ZMYM6: variants seen among roughly 807,000 people sequenced by gnomAD.
ZMYM6 encodes the protein zinc finger MYM-type containing 6.
A neutral mutation model predicts 134.0 loss-of-function variants in ZMYM6; 90 were observed. The ratio of observed to expected loss-of-function variants is 0.67; its 90% CI spans 0.57 to 0.80. The LOEUF (loss-of-function observed/expected upper bound fraction) is 0.80, where lower values mean the gene tolerates loss of function less well. Ranked by LOEUF, ZMYM6 falls within the 30% of genes least tolerant of loss-of-function variation. ZMYM6 has a pLI of 0.00. For missense variants in ZMYM6, 1,362 were observed against 1,533.9 expected (o/e 0.89, Z 1.87); for synonymous variants, 481 against 524.1 (o/e 0.92, Z 1.12).
intron 4 of ZMYM6, chr1:35,019,004 G>A: frequency 2.6e-6 from 1 of 381,350 alleles, no homozygotes; most frequent in Non-Finnish European, 4.6e-6. Flanking sequence ...TATTAAAAGA[G>A]TGATATTATT....
chr1:34,994,986 T>C (rs1013664639), intron 14 of ZMYM6, among the ~76,000 whole-genome samples: 6 of 140,460 alleles, frequency 4.3e-5, no homozygotes, highest in Non-Finnish European at 6.1e-5. Context: ...TATATACATA[T>C]CTATATGTAT....
chr1:35,028,476 A>C (rs1490988152), intron 2 of ZMYM6, among the ~76,000 whole-genome samples: 1 of 151,972 alleles, frequency 6.6e-6, no homozygotes, highest in Admixed American at 6.5e-5. Context: ...TTGCCAAAAC[A>C]ACTAACTCAT....
Position 35,014,732 on chromosome 1 carries a change from CCTT to C in ZMYM6, c.757_759del (p.Lys253del), listed in dbSNP as rs750717810. The stretch of plus-strand genomic sequence containing the variant: ...GCCGTGACACTTGTTGAACTAAAAA[CCTT>C]CTGGGATTGGCAAGGACCAGAGCTA... On this transcript the variant is annotated inframe_deletion, in exon 6 of 16. Coordinates refer to ENST00000357182, the MANE Select transcript of ZMYM6 (RefSeq NM_007167.4). 5.6e-6 allele frequency: 9 copies of C among 1,613,922 alleles called. No individual in the cohort carries two copies. The African/African-American group carries it at 1.1e-4, about 19-fold the overall frequency.
At chr1:35,007,893 A>G (rs1641013982) in intron 11 of ZMYM6, among the ~76,000 whole-genome samples, 1 of 152,152 alleles carries the variant, frequency 6.6e-6, no homozygotes, top group South Asian at 2.1e-4. Context: ...AAAAAAAATA[A>G]AGATAGGTTC....
At chr1:34,995,631 G>A (rs1640771735) in intron 14 of ZMYM6, among the ~76,000 whole-genome samples, 1 of 152,140 alleles carries the variant, frequency 6.6e-6, no homozygotes, top group Admixed American at 6.5e-5. Flanking sequence ...AGTACACACA[G>A]TGTGGATATG....
chr1:35,003,755 T>G, intron 14 of ZMYM6: 3 of 498,360 alleles, frequency 6.0e-6, no homozygotes, highest in Non-Finnish European at 1.1e-5. Context: ...GCAATCCACA[T>G]TTACATCATC....
chr1:34,995,117 G>A (rs1402530888), intron 14 of ZMYM6, among the ~76,000 whole-genome samples: 2 of 138,244 alleles, frequency 1.4e-5, no homozygotes, highest in Non-Finnish European at 1.5e-5. Flanking sequence ...AAGTATATAT[G>A]TATACATATA....
At chr1:35,019,700 G>T in intron 3 of ZMYM6, 98 bp from the exon 4 acceptor site, 2 of 1,344,700 alleles carry the variant, frequency 1.5e-6, no homozygotes, top group Middle Eastern at 2.1e-4. Context: ...TCTGAGACAC[G>T]GTCTCACTGT....
At chr1:35,020,243 T>G (rs1479787704) in intron 3 of ZMYM6, 140 bp downstream of exon 3, 1 of 638,810 alleles carries the variant, frequency 1.6e-6, no homozygotes, top group Non-Finnish European at 2.6e-6. Flanking sequence ...AAAACGCTGC[T>G]GAAAACCAGC....
intron 15 of ZMYM6, chr1:34,989,480 A>G: frequency 6.5e-6 from 1 of 153,324 alleles, no homozygotes; most frequent in Non-Finnish European, 1.4e-5. Context: ...GCCTGAGCCC[A>G]GGAGGTTGAG....
rs769210104 is a variant in ZMYM6, at chr1:34,988,195, T to C, written c.2887A>G (p.Lys963Glu). Reference sequence around the variant, plus strand: ...TTCAGAGATTTACTATCAATATATTTATTTATTAGTTCAAATATTTCAAAG... The same window carrying C: ...TTCAGAGATTTACTATCAATATATTCATTTATTAGTTCAAATATTTCAAAG... ...TGFEIFELIN[K>E]YIDSKSLNWK... The change falls in exon 16 of 16, where the codon AAA becomes GAA. Residue 963 changes from lysine (K) to glutamate (E), a missense_variant. This residue lies in a region of ZMYM6 where 824 missense variants were observed against 940.9 expected (regional missense o/e 0.88). Transcript: ENST00000357182. The C allele has an allele frequency of 7.1e-6, 11 of 1,548,384 alleles. No individual in the cohort carries two copies. The highest frequency in any genetic ancestry group is 8.7e-6 in the Non-Finnish European group (10 of 1,145,554).
chr1:35,013,006 T>C (rs2148454287), intron 6 of ZMYM6: 1 of 975,806 alleles, frequency 1.0e-6, no homozygotes, highest in Non-Finnish European at 1.2e-6. Context: ...AGAAATGATA[T>C]TTAATGTATA....
intron 4 of ZMYM6, among the ~76,000 whole-genome samples, chr1:35,016,588 TA>T (rs1158566307): frequency 6.6e-6 from 1 of 152,192 alleles, no homozygotes; most frequent in Non-Finnish European, 1.5e-5. Flanking sequence ...AAGTAAATAA[TA>T]ATGGCAATAA....
intron 12 of ZMYM6, among the ~76,000 whole-genome samples, chr1:35,006,201 T>C (rs1003936515): frequency 6.6e-6 from 1 of 152,092 alleles, no homozygotes; most frequent in Non-Finnish European, 1.5e-5. Flanking sequence ...AGAGATGGGG[T>C]TTCACCATGT....
chr1:35,029,751 T>A (rs1427521890), intron 2 of ZMYM6, among the ~76,000 whole-genome samples: 1 of 152,210 alleles, frequency 6.6e-6, no homozygotes, highest in Admixed American at 6.5e-5. Flanking sequence ...TCTTCATAAT[T>A]CAGCTTACAC....
Position 35,015,023 on chromosome 1 carries a change from A to C in ZMYM6, c.568T>G (p.Ser190Ala). Residue 190 changes from serine to alanine, a missense_variant, in exon 5 of 16, where the codon TCA (serine) becomes GCA (alanine). Ser to Ala is a moderately conservative substitution (Grantham distance 99, BLOSUM62 1). Coordinates refer to ENST00000357182, the MANE Select transcript of ZMYM6 (RefSeq NM_007167.4). Reference sequence around the variant, plus strand: ...TTCTGACACATACTGCACTTAGTTGAAATGCTTTTGGTATATATGGTAACA... The same window carrying C: ...TTCTGACACATACTGCACTTAGTTGCAATGCTTTTGGTATATATGGTAACA... ...PVVTIYTKSI[S>A]TKCSMCQKNA... The C allele has an allele frequency of 6.2e-7, 1 of 1,613,146 alleles. No individual in the cohort carries two copies. The highest frequency in any genetic ancestry group is 8.5e-7 in the Non-Finnish European group (1 of 1,179,806).
chr1:35,019,451 T>C lies in ZMYM6; in HGVS notation c.330A>G (p.Gly110=). 6.2e-7 allele frequency: 1 copy of C among 1,614,112 alleles called. No individual in the cohort carries two copies. Among genetic ancestry groups the C allele is most frequent in the Middle Eastern group, 1.6e-4 (1 of 6,062 alleles). ...GTGTGGAGCAGAAGAGCTGAGTAGATCCTGTCTTATGATATGCAGTTTGGC... is the reference window on the plus strand; with the variant it reads ...GTGTGGAGCAGAAGAGCTGAGTAGACCCTGTCTTATGATATGCAGTTTGGC... The part of the protein sequence containing the change: ...YKGQTAYHKT[G]STQLFCSTRC... The change falls in exon 4 of 16, where the codon GGA becomes GGG. Residue 110 remains glycine (G), a synonymous_variant. Transcript: ENST00000357182.
At chr1:35,015,991 A>C (rs1209856621) in intron 4 of ZMYM6, among the ~76,000 whole-genome samples, 4 of 133,832 alleles carry the variant, frequency 3.0e-5, no homozygotes, top group Admixed American at 9.5e-5. Flanking sequence ...TCTGCTGCCC[A>C]GGCTGGAGTG....
chr1:35,007,408 G>A (rs947693545), intron 11 of ZMYM6, among the ~76,000 whole-genome samples: 2 of 152,024 alleles, frequency 1.3e-5, no homozygotes, highest in African/African-American at 4.8e-5. Flanking sequence ...GACCAACATG[G>A]TGAAACCCCG....
Sources: gnomAD v4.1 joint callset for allele counts (sites outside exome capture counted in the v4.1 genomes callset) on GRCh38, gnomAD v4.1.1 for gene constraint, gnomAD v4.1.1 regional missense constraint, MANE v1.5 for transcripts, NCBI Gene and HGNC (gene_info 2026-07-23, HGNC 2026-07-21) for gene names.